Variants in DNAJC24 observed in about 807,000 individuals in gnomAD.
DNAJC24 encodes the protein DnaJ heat shock protein family (Hsp40) member C24.
In DNAJC24, 17 loss-of-function variants were observed where a neutral mutation model predicts 18.0. That is an observed-to-expected ratio of 0.94 (90% confidence interval 0.65 to 1.42). The LOEUF (loss-of-function observed/expected upper bound fraction) is 1.42, where lower values mean the gene tolerates loss of function less well. Among genes scored for constraint, DNAJC24 ranks in the 40% most tolerant of loss-of-function variants. DNAJC24 has a pLI of 0.00. For synonymous variants in DNAJC24, 55 were observed against 57.7 expected (o/e 0.95, Z 0.21); for missense variants, 158 against 175.6 (o/e 0.90, Z 0.57).
chr11:31,405,898 A>G (rs1315357900), intron 2 of DNAJC24, among the ~76,000 whole-genome samples: 3 of 152,214 alleles, frequency 2.0e-5, no homozygotes, highest in Non-Finnish European at 4.4e-5. Flanking sequence ...AGCGCCTGCT[A>G]CATAGGCAAA....
At chr11:31,383,705 G>GC (rs962040207) in intron 2 of DNAJC24, among the ~76,000 whole-genome samples, 2 of 152,146 alleles carry the variant, frequency 1.3e-5, no homozygotes, top group African/African-American at 4.8e-5. Flanking sequence ...GAAAAGAAAT[G>GC]CCCCCCGGAT....
At chr11:31,388,676 T>A (rs967217030) in intron 2 of DNAJC24, among the ~76,000 whole-genome samples, 2 of 152,058 alleles carry the variant, frequency 1.3e-5, no homozygotes, top group Non-Finnish European at 1.5e-5. Flanking sequence ...CGTCTGAAGG[T>A]ACAAAATTCA....
At chr11:31,381,934 TA>T (rs1328919672) in intron 2 of DNAJC24, among the ~76,000 whole-genome samples, 2 of 152,198 alleles carry the variant, frequency 1.3e-5, no homozygotes, top group Non-Finnish European at 2.9e-5. Context: ...TAATCCAGAA[TA>T]TTTTTTTGAG....
chr11:31,414,138 T>A (rs1952734064), intron 2 of DNAJC24, among the ~76,000 whole-genome samples: 1 of 152,194 alleles, frequency 6.6e-6, no homozygotes, highest in South Asian at 2.1e-4. Flanking sequence ...AACAAAAATT[T>A]TTAGACTTTT....
chr11:31,389,960 A>G (rs544258631), intron 2 of DNAJC24, among the ~76,000 whole-genome samples: 7 of 152,234 alleles, frequency 4.6e-5, no homozygotes, highest in Non-Finnish European at 1.0e-4. Flanking sequence ...TCTTGAAACA[A>G]ATGTTAAAAG....
In DNAJC24 at chr11:31,429,640, A is replaced by C. The variant is rs149218735; in HGVS notation, c.320-631A>C. 974 of 236,778 alleles carry C rather than the reference A, an allele frequency of 4.1e-3. 9 individuals carry two copies. Among genetic ancestry groups the C allele is most frequent in the Non-Finnish European group, 7.2e-3 (779 of 107,632 alleles). 14.7% of individuals were successfully genotyped at this position (236,778 alleles called of 1,614,324 possible). A position where few individuals can be genotyped will look rare whatever the true frequency, so the allele number is the denominator to read the frequency against. On this transcript the variant is annotated intron_variant, in intron 4 of 4. Transcript: ENST00000465995. Reference sequence around the variant, plus strand: ...CCGTATTGCCTCCTTTGGGCATCTCACTTCAGCATCTTGTTGGTTCATGTA... The same window carrying C: ...CCGTATTGCCTCCTTTGGGCATCTCCCTTCAGCATCTTGTTGGTTCATGTA...
rs190432833 is a variant in DNAJC24, at chr11:31,375,254, A to C, written c.111+4395A>C. On this transcript the variant is annotated intron_variant, in intron 2 of 4. Coordinates refer to ENST00000465995, the MANE Select transcript of DNAJC24 (RefSeq NM_181706.5). ...AGAGGCCAGATACCCTTCTGTGGCC[A>C]TATGCCTTTGCACTTGCACTCTGCC... Among the ~76,000 whole-genome samples the C allele has an allele frequency of 1.5e-5, 2 of 135,576 alleles. 1 individual carries two copies. The highest frequency in any genetic ancestry group is 3.4e-5 in the Non-Finnish European group (2 of 58,590). The allele number at this position is 135,576 out of a possible 152,430, so 88.9% of individuals were successfully genotyped here.
intron 4 of DNAJC24, chr11:31,429,403 T>C: frequency 3.0e-6 from 1 of 328,356 alleles, no homozygotes; most frequent in South Asian, 2.3e-5. Context: ...AAATCATGAG[T>C]CCTTTGAGAC....
intron 3 of DNAJC24, chr11:31,416,268 T>C (rs968402469): frequency 6.6e-6 from 1 of 152,212 alleles, no homozygotes; most frequent in East Asian, 1.9e-4. Flanking sequence ...ATCTGTCTAA[T>C]GTATTTATTT....
chr11:31,401,686 G>A (rs191445620), intron 2 of DNAJC24, among the ~76,000 whole-genome samples: 21 of 152,316 alleles, frequency 1.4e-4, no homozygotes, highest in African/African-American at 5.1e-4. Flanking sequence ...AGAAGACCAA[G>A]AGGTCTGTTT....
chr11:31,415,135 T>C (rs1952741784), intron 3 of DNAJC24, 186 bp downstream of exon 3: 1 of 537,320 alleles, frequency 1.9e-6, no homozygotes, highest in Non-Finnish European at 3.0e-6. Flanking sequence ...CATTGAGAAG[T>C]TAACAAAACT....
At chr11:31,413,338 T>C (rs1952725647) in intron 2 of DNAJC24, among the ~76,000 whole-genome samples, 1 of 146,864 alleles carries the variant, frequency 6.8e-6, no homozygotes, top group Admixed American at 6.8e-5. Context: ...TTTTTTTTTT[T>C]TTTTTTTTTT....
intron 2 of DNAJC24, among the ~76,000 whole-genome samples, chr11:31,396,645 A>G (rs547180119): frequency 1.4e-4 from 21 of 151,982 alleles, no homozygotes; most frequent in Non-Finnish European, 2.4e-4. Context: ...TTTATTGCCA[A>G]TCTCCCTATC....
At chr11:31,398,993 G>C (rs1183981234) in intron 2 of DNAJC24, among the ~76,000 whole-genome samples, 4 of 152,220 alleles carry the variant, frequency 2.6e-5, no homozygotes, top group Non-Finnish European at 5.9e-5. Context: ...GGGGAAATTG[G>C]AGGTAAAGGG....
In DNAJC24 at chr11:31,430,361, A is replaced by G; in HGVS notation, c.410A>G (p.Asp137Gly). 1 of 1,608,980 alleles carries G rather than the reference A, an allele frequency of 6.2e-7. No homozygotes were observed. Among genetic ancestry groups the G allele is most frequent in the Non-Finnish European group, 8.5e-7 (1 of 1,176,574 alleles). ...GAAGAAGTTAGCCTGATTTCTTGTG[A>G]TACATGTTCACTAATTATAGAACTC... ...EAEEVSLISC[D>G]TCSLIIELLH... Residue 137 changes from aspartate to glycine, a missense_variant, in exon 5 of 5, where the codon GAT becomes GGT. Transcript: ENST00000465995.
At position 31,409,570 on chromosome 11, in the gene DNAJC24, G is replaced by A. The variant is rs1348612797; in HGVS notation, c.112-5241G>A. Among the ~76,000 whole-genome samples, 44 of 152,204 alleles carry A rather than the reference G, an allele frequency of 2.9e-4. 1 individual carries two copies. Among genetic ancestry groups the A allele is most frequent in the Admixed American group, 2.8e-3 (43 of 15,284 alleles). ...GATACTCATTTGTGTTATTGAGTGT[G>A]TCATAATTTGTTCTTTTTTAATTGT... is the stretch of plus-strand genomic sequence containing the variant. On this transcript the variant is annotated intron_variant, in intron 2 of 4. Coordinates refer to ENST00000465995, the MANE Select transcript of DNAJC24 (RefSeq NM_181706.5).
chr11:31,382,005 C>T (rs1245126437), intron 2 of DNAJC24, among the ~76,000 whole-genome samples: 1 of 152,102 alleles, frequency 6.6e-6, no homozygotes, highest in Non-Finnish European at 1.5e-5. Flanking sequence ...AGGATTGAAA[C>T]AATGTGAGGG....
At chr11:31,429,578 A>T (rs1360568758) in intron 4 of DNAJC24, 2 of 352,898 alleles carry the variant, frequency 5.7e-6, no homozygotes, top group Non-Finnish European at 1.2e-5. Flanking sequence ...AAAATGACAC[A>T]CTTAAAATTT....
intron 2 of DNAJC24, among the ~76,000 whole-genome samples, chr11:31,377,446 A>G (rs1952328508): frequency 6.6e-6 from 1 of 152,102 alleles, no homozygotes; most frequent in South Asian, 2.1e-4. Context: ...ATAGACATAC[A>G]TATTGGCCTG....
Sources: gnomAD v4.1 joint callset for allele counts (sites outside exome capture counted in the v4.1 genomes callset) on GRCh38, gnomAD v4.1.1 for gene constraint, MANE v1.5 for transcripts, NCBI Gene and HGNC (gene_info 2026-07-23, HGNC 2026-07-21) for gene names.